The following TRAPPC12 variants were observed in gnomAD, a reference collection of about 807,000 sequenced individuals.
TRAPPC12 encodes TPR repeat protein 15.
A neutral mutation model predicts 69.2 loss-of-function variants in TRAPPC12; 61 were observed. The ratio of observed to expected loss-of-function variants is 0.88; its 90% CI spans 0.72 to 1.09. The LOEUF is 1.09. TRAPPC12 is among the 50% of genes least tolerant of loss of function. The pLI is 0.00. For missense variants in TRAPPC12, 1,101 were observed against 1,016.4 expected (o/e 1.08, Z -1.13); for synonymous variants, 469 against 438.9 (o/e 1.07, Z -0.86).
chr2:3,457,281 C>A, intron 6 of TRAPPC12: 1 of 418,256 alleles, frequency 2.4e-6, no homozygotes, highest in Non-Finnish European at 4.7e-6. Flanking sequence ...AGACCAGAGA[C>A]TACCAGTGGG....
At chr2:3,466,579 CCT>C (rs1665821777) in intron 9 of TRAPPC12, among the ~76,000 whole-genome samples, 2 of 152,230 alleles carry the variant, frequency 1.3e-5, no homozygotes, top group Admixed American at 6.5e-5. Context: ...AACAGCTGGT[CCT>C]CTCCCCCTCC....
chr2:3,402,172 A>AT (rs1459177190), intron 3 of TRAPPC12, among the ~76,000 whole-genome samples: 4 of 152,220 alleles, frequency 2.6e-5, no homozygotes, highest in Non-Finnish European at 4.4e-5. Flanking sequence ...TATATAATAG[A>AT]GATAAATGAT....
intron 8 of TRAPPC12, among the ~76,000 whole-genome samples, chr2:3,464,665 G>C (rs1483666321): frequency 1.3e-5 from 2 of 152,224 alleles, no homozygotes; most frequent in Admixed American, 6.5e-5. Flanking sequence ...GGCGATCACT[G>C]TCATCCTGGA....
At chr2:3,478,630 A>G (rs372438116) in intron 10 of TRAPPC12, 1 of 498,994 alleles carries the variant, frequency 2.0e-6, no homozygotes, top group Non-Finnish European at 3.6e-6. Context: ...GCAAAACTCC[A>G]TCTAAAAAAT....
chr2:3,397,321 C>T (rs1243566324), intron 2 of TRAPPC12, among the ~76,000 whole-genome samples: 1 of 152,182 alleles, frequency 6.6e-6, no homozygotes, highest in Non-Finnish European at 1.5e-5. Context: ...ACTGAATTCC[C>T]CTTCTGTTCA....
At chr2:3,473,475 G>A (rs10208539) in intron 9 of TRAPPC12, among the ~76,000 whole-genome samples, 7,720 of 152,244 alleles carry the variant, frequency 0.051, 631 homozygotes, top group African/African-American at 0.17. Context: ...GGGTTTTTCT[G>A]GTGGGTTTTT....
chr2:3,423,901 C>T (rs1250283552), intron 4 of TRAPPC12, among the ~76,000 whole-genome samples: 2 of 152,284 alleles, frequency 1.3e-5, no homozygotes, highest in South Asian at 2.1e-4. Context: ...TGTGCTCTCT[C>T]GTATGTTGTG....
intron 6 of TRAPPC12, chr2:3,457,241 C>A (rs1356415811): frequency 4.6e-6 from 2 of 435,318 alleles, no homozygotes; most frequent in Non-Finnish European, 9.1e-6. Context: ...TAAGTAGAAG[C>A]TAAACATTGG....
intron 3 of TRAPPC12, among the ~76,000 whole-genome samples, chr2:3,403,698 G>A (rs1462023241): frequency 6.6e-6 from 1 of 152,304 alleles, no homozygotes; most frequent in South Asian, 2.1e-4. Context: ...TTGGAGTAGC[G>A]CGTGGCTCAG....
At chr2:3,415,558 C>T (rs919311476) in intron 3 of TRAPPC12, among the ~76,000 whole-genome samples, 1 of 151,636 alleles carries the variant, frequency 6.6e-6, no homozygotes, top group Non-Finnish European at 1.5e-5. Flanking sequence ...TGCTCACCAC[C>T]ACATCTGGCT....
chr2:3,399,590 T>C (rs6738313), intron 2 of TRAPPC12, among the ~76,000 whole-genome samples: 105,762 of 152,038 alleles, frequency 0.7, 37,291 homozygotes, highest in African/African-American at 0.81. Context: ...ACCTATGACC[T>C]GGAGCCACCC....
chr2:3,429,928 C>G (rs1416152304), intron 5 of TRAPPC12, among the ~76,000 whole-genome samples: 1 of 152,216 alleles, frequency 6.6e-6, no homozygotes. Flanking sequence ...TGTGAACCTC[C>G]TCCCAATTCA....
intron 3 of TRAPPC12, among the ~76,000 whole-genome samples, chr2:3,403,828 C>T (rs1272404501): frequency 1.3e-5 from 2 of 152,176 alleles, no homozygotes; most frequent in Non-Finnish European, 2.9e-5. Flanking sequence ...TGTTACATCA[C>T]CTCTGCCTCT....
chr2:3,469,368 G>A (rs917131095), intron 9 of TRAPPC12, among the ~76,000 whole-genome samples: 9 of 152,238 alleles, frequency 5.9e-5, no homozygotes, highest in African/African-American at 1.9e-4. Flanking sequence ...ACGTATATTA[G>A]TAACTGTCCC....
At position 3,388,219 on chromosome 2, in the gene TRAPPC12, T is replaced by G; in HGVS notation, c.596T>G (p.Val199Gly). The G allele has an allele frequency of 6.2e-7, 1 of 1,608,664 alleles. No individual in the cohort carries two copies. Among genetic ancestry groups the G allele is most frequent in the East Asian group, 2.3e-5 (1 of 44,418 alleles). The change falls in exon 2 of 12, where the codon GTC (valine) becomes GGC (glycine). Residue 199 changes from valine to glycine, a missense_variant. Transcript: ENST00000324266. Reference protein sequence around the residue: ...SEASARTPPQVVQPSPSLSTF... With the variant: ...SEASARTPPQGVQPSPSLSTF... The stretch of plus-strand genomic sequence containing the variant: ...GCCTCGGCCAGGACACCGCCCCAGG[T>G]CGTGCAGCCCAGCCCCAGCCTCAGC...
At position 3,479,492 on chromosome 2, in the gene TRAPPC12, C is replaced by A; in HGVS notation, c.*31C>A. 1.2e-6 allele frequency: 2 copies of A among 1,607,610 alleles called. No homozygotes were observed. Among genetic ancestry groups the A allele is most frequent in the Non-Finnish European group, 1.7e-6 (2 of 1,176,658 alleles). ...TCCAACACACTACGTCAGAAGGACC[C>A]GGGTCTTTGAAACTGTGTCTTGAAG... On this transcript the variant is annotated 3_prime_UTR_variant, in exon 12 of 12. Transcript: ENST00000324266.
At position 3,426,140 on chromosome 2, in the gene TRAPPC12, C is replaced by G. The variant is rs555856870; in HGVS notation, c.1417+1477C>G. ...TTTTTAGTATAAAGTGTTTTTTGAC[C>G]TTTAGTCTCACTGGTATTAAAATTG... is the stretch of plus-strand genomic sequence containing the variant. On this transcript the variant is annotated intron_variant, in intron 5 of 11. Coordinates refer to ENST00000324266, the MANE Select transcript of TRAPPC12 (RefSeq NM_016030.6). Among the ~76,000 whole-genome samples the G allele has an allele frequency of 3.2e-3, 482 of 152,164 alleles. 4 individuals carry two copies. Among genetic ancestry groups the G allele is most frequent in the African/African-American group, 6.8e-3 (281 of 41,520 alleles).
At chr2:3,449,018 A>T (rs902046883) in intron 6 of TRAPPC12, among the ~76,000 whole-genome samples, 8 of 152,220 alleles carry the variant, frequency 5.3e-5, no homozygotes, top group Non-Finnish European at 8.8e-5. Context: ...AGTTCAGGGT[A>T]CTTCGTTTTA....
intron 5 of TRAPPC12, among the ~76,000 whole-genome samples, chr2:3,434,828 A>T (rs1431197289): frequency 6.6e-6 from 1 of 152,204 alleles, no homozygotes; most frequent in African/African-American, 2.4e-5. Context: ...GAGAGGTGGC[A>T]GCGTGAGGGA....
Sources: gnomAD v4.1 joint callset for allele counts (sites outside exome capture counted in the v4.1 genomes callset) on GRCh38, gnomAD v4.1.1 for gene constraint, MANE v1.5 for transcripts, NCBI Gene and HGNC (gene_info 2026-07-23, HGNC 2026-07-21) for gene names.